The following CHST11 variants were observed in gnomAD, a reference collection of about 807,000 sequenced individuals.
The protein encoded by CHST11 is carbohydrate sulfotransferase 11.
Under a neutral mutation model 30.4 loss-of-function variants are expected in CHST11, and 9 were observed. The observed-to-expected ratio is 0.30, with a 90% CI of 0.18 to 0.52. CHST11 has a LOEUF of 0.52. CHST11 is among the 20% of genes least tolerant of loss of function. The pLI, the probability that CHST11 is intolerant of heterozygous loss-of-function variation, is 0.97. For synonymous variants in CHST11, 152 were observed against 187.8 expected (o/e 0.81, Z 1.56); for missense variants, 348 against 460.6 (o/e 0.76, Z 2.24).
intron 2 of CHST11, among the ~76,000 whole-genome samples, chr12:104,653,088 C>T (rs574995876): frequency 1.7e-4 from 26 of 152,280 alleles, no homozygotes; most frequent in Middle Eastern, 3.4e-3. Flanking sequence ...TGCAACAGCT[C>T]GCCAGAGCTG....
chr12:104,755,524 C>T (rs984359119), intron 2 of CHST11, among the ~76,000 whole-genome samples: 1 of 152,052 alleles, frequency 6.6e-6, no homozygotes, highest in African/African-American at 2.4e-5. Context: ...AGTGGCTCAC[C>T]CCTGCAGTCT....
chr12:104,582,810 A>G (rs1002845862), intron 1 of CHST11, among the ~76,000 whole-genome samples: 1 of 151,550 alleles, frequency 6.6e-6, no homozygotes, highest in Admixed American at 6.6e-5. Flanking sequence ...GGCATTCAGC[A>G]TTGTATAGAG....
At chr12:104,599,379 G>A (rs967266902) in intron 1 of CHST11, among the ~76,000 whole-genome samples, 1 of 152,210 alleles carries the variant, frequency 6.6e-6, no homozygotes, top group East Asian at 1.9e-4. Flanking sequence ...CGGAGCCATG[G>A]GCCTCGATGA....
At chr12:104,531,238 C>T (rs2038179963) in intron 1 of CHST11, among the ~76,000 whole-genome samples, 1 of 151,886 alleles carries the variant, frequency 6.6e-6, no homozygotes, top group East Asian at 1.9e-4. Flanking sequence ...GCCTGTAATC[C>T]CAACACTTTG....
intron 2 of CHST11, among the ~76,000 whole-genome samples, chr12:104,750,428 C>CCTTTTTTTTTTTTTTTTTT (rs1420945578): frequency 6.1e-5 from 3 of 48,828 alleles, no homozygotes; most frequent in African/African-American, 2.4e-4. Context: ...TATTTCTGCA[C>CCTTTTTTTTTTTTTTTTTT]TTTTTTTTTT....
chr12:104,566,188 C>G (rs889090221), intron 1 of CHST11, among the ~76,000 whole-genome samples: 17 of 152,176 alleles, frequency 1.1e-4, no homozygotes, highest in Non-Finnish European at 4.4e-5. Context: ...TGTCACTGCT[C>G]TAATGGGAAT....
At chr12:104,671,730 CTCTA>C (rs546284925) in intron 2 of CHST11, among the ~76,000 whole-genome samples, 129 of 152,288 alleles carry the variant, frequency 8.5e-4, no homozygotes, top group African/African-American at 2.8e-3. Context: ...TTTACCCAAT[CTCTA>C]TCTTTCTCTC....
rs572729941 is a variant in CHST11, at chr12:104,657,287, C to G, written c.204+55296C>G. On this transcript the variant is annotated intron_variant, in intron 2 of 2. Coordinates refer to ENST00000303694, the MANE Select transcript of CHST11 (RefSeq NM_018413.6). Reference sequence around the variant, plus strand: ...CTTAAAGGTTTTCACATCCTTCACCCTAAATGACCACTTACGCACATTTTA... The same window carrying G: ...CTTAAAGGTTTTCACATCCTTCACCGTAAATGACCACTTACGCACATTTTA... Among the ~76,000 whole-genome samples, 3 of 152,368 alleles carry G rather than the reference C, an allele frequency of 2.0e-5. No individual in the cohort carries two copies. The East Asian group carries it at 5.8e-4, about 29-fold the overall frequency.
chr12:104,642,151 T>G (rs2039382751), intron 2 of CHST11, among the ~76,000 whole-genome samples: 1 of 152,136 alleles, frequency 6.6e-6, no homozygotes, highest in Non-Finnish European at 1.5e-5. Context: ...ATCTCAGTAT[T>G]GTTCACAGTA....
At chr12:104,521,380 G>A (rs1199272842) in intron 1 of CHST11, among the ~76,000 whole-genome samples, 2 of 152,182 alleles carry the variant, frequency 1.3e-5, no homozygotes, top group East Asian at 3.8e-4. Context: ...AAATCCCCCT[G>A]CAGACTTTTG....
chr12:104,474,310 T>G (rs1387654306), intron 1 of CHST11, among the ~76,000 whole-genome samples: 3 of 152,216 alleles, frequency 2.0e-5, no homozygotes, highest in African/African-American at 7.2e-5. Context: ...CAGGCAATCT[T>G]TTAGTTAATT....
intron 1 of CHST11, among the ~76,000 whole-genome samples, chr12:104,457,984 C>A (rs1308085991): frequency 5.9e-5 from 9 of 151,774 alleles, no homozygotes; most frequent in Admixed American, 5.9e-4. Flanking sequence ...TGCGCCCGGG[C>A]GAGCCGCCTC....
intron 1 of CHST11, among the ~76,000 whole-genome samples, chr12:104,482,546 G>A (rs1007648421): frequency 1.3e-5 from 2 of 152,076 alleles, no homozygotes; most frequent in African/African-American, 4.8e-5. Context: ...CAGAGGAAAG[G>A]CTCACAGAAC....
chr12:104,538,554 T>C (rs79689341), intron 1 of CHST11, among the ~76,000 whole-genome samples: 2,502 of 152,258 alleles, frequency 0.016, 121 homozygotes, highest in East Asian at 0.15. Flanking sequence ...AGAATATATA[T>C]TTTTTGAACT....
intron 1 of CHST11, among the ~76,000 whole-genome samples, chr12:104,596,539 C>T (rs1181855679): frequency 6.6e-6 from 1 of 151,646 alleles, no homozygotes; most frequent in Admixed American, 6.6e-5. Flanking sequence ...TGAAGAGCAC[C>T]AGTGCTGGAA....
intron 2 of CHST11, among the ~76,000 whole-genome samples, chr12:104,685,082 T>C (rs1190090281): frequency 6.6e-6 from 1 of 152,250 alleles, no homozygotes. Context: ...TTTTCTTACA[T>C]TGGAGGTTGC....
intron 1 of CHST11, among the ~76,000 whole-genome samples, chr12:104,466,296 C>T (rs2037457089): frequency 6.6e-6 from 1 of 152,024 alleles, no homozygotes; most frequent in Admixed American, 6.6e-5. Context: ...AATTAATAAA[C>T]AAACGTATGT....
At chr12:104,711,706 T>C (rs927892803) in intron 2 of CHST11, among the ~76,000 whole-genome samples, 1 of 151,918 alleles carries the variant, frequency 6.6e-6, no homozygotes, top group East Asian at 1.9e-4. Context: ...AGACAAGTGA[T>C]GCTTTAAAAA....
At chr12:104,461,749 C>T (rs1358142638) in intron 1 of CHST11, among the ~76,000 whole-genome samples, 1 of 152,136 alleles carries the variant, frequency 6.6e-6, no homozygotes, top group Non-Finnish European at 1.5e-5. Context: ...AGATTATATC[C>T]TTTATTTAAA....
Sources: allele counts gnomAD v4.1 joint callset (sites outside exome capture counted in the v4.1 genomes callset), GRCh38; gene constraint gnomAD v4.1.1; transcripts MANE v1.5; gene names NCBI Gene and HGNC (gene_info 2026-07-23, HGNC 2026-07-21).